Variants in NRG3 observed in about 807,000 individuals in gnomAD.
NRG3 encodes pro-neuregulin-3, membrane-bound isoform.
A neutral mutation model predicts 66.9 loss-of-function variants in NRG3; 31 were observed. That is an observed-to-expected ratio of 0.46 (90% confidence interval 0.35 to 0.63). The LOEUF is 0.63. Ranked by LOEUF, NRG3 falls within the 20% of genes least tolerant of loss-of-function variation. The pLI is 0.00. For synonymous variants in NRG3, 393 were observed against 359.4 expected, an observed-to-expected ratio of 1.09 and a Z score of -1.06; for missense variants, 910 against 878.9, an observed-to-expected ratio of 1.04 and a Z score of -0.45.
chr10:82,192,944 T>C (rs1175602820), intron 1 of NRG3, among the ~76,000 whole-genome samples: 2 of 149,988 alleles, frequency 1.3e-5, no homozygotes, highest in African/African-American at 2.5e-5. Context: ...GGTAGGTTGT[T>C]CAAGTGGGGG....
chr10:82,366,683 TA>T (rs1296494209), intron 2 of NRG3, among the ~76,000 whole-genome samples: 3 of 152,198 alleles, frequency 2.0e-5, no homozygotes, highest in East Asian at 1.9e-4. Flanking sequence ...TTTATTTTTT[TA>T]TTTTTTTTGC....
chr10:82,736,518 G>A (rs942496393), intron 2 of NRG3, among the ~76,000 whole-genome samples: 10 of 152,202 alleles, frequency 6.6e-5, no homozygotes, highest in Non-Finnish European at 7.3e-5. Context: ...TCCTAGCCTG[G>A]GCTAGGCTGC....
intron 1 of NRG3, among the ~76,000 whole-genome samples, chr10:81,882,014 C>A (rs1842225938): frequency 6.6e-6 from 1 of 152,144 alleles, no homozygotes. Flanking sequence ...TCAAAGCATT[C>A]AACTACATTT....
intron 1 of NRG3, among the ~76,000 whole-genome samples, chr10:82,193,482 A>G (rs1674115738): frequency 6.7e-6 from 1 of 150,300 alleles, no homozygotes; most frequent in African/African-American, 2.5e-5. Flanking sequence ...TGACTGTTGT[A>G]TAAAAACTGA....
At chr10:82,124,641 G>T (rs1426419241) in intron 1 of NRG3, among the ~76,000 whole-genome samples, 1 of 151,410 alleles carries the variant, frequency 6.6e-6, no homozygotes, top group Non-Finnish European at 1.5e-5. Flanking sequence ...TAGATGATGG[G>T]TTGATGTGTG....
At chr10:81,942,443 A>G (rs1319143842) in intron 1 of NRG3, among the ~76,000 whole-genome samples, 1 of 152,190 alleles carries the variant, frequency 6.6e-6, no homozygotes, top group East Asian at 1.9e-4. Flanking sequence ...TGTTTCCAAA[A>G]TAATACACCC....
intron 2 of NRG3, among the ~76,000 whole-genome samples, chr10:82,517,762 A>T (rs928445036): frequency 6.6e-6 from 1 of 151,898 alleles, no homozygotes; most frequent in African/African-American, 2.4e-5. Context: ...CTACACTGAG[A>T]TGTAGAGGTA....
intron 8 of NRG3, 141 bp downstream of exon 8, chr10:82,979,261 C>T (rs1186411296): frequency 2.3e-6 from 2 of 875,260 alleles, no homozygotes; most frequent in South Asian, 1.8e-5. Context: ...CTTTGTTCTA[C>T]AAAAGGTGAA....
chr10:82,495,811 GAC>G (rs55671097), intron 2 of NRG3, among the ~76,000 whole-genome samples: 181 of 144,888 alleles, frequency 1.2e-3, no homozygotes, highest in Middle Eastern at 0.01. Flanking sequence ...TTAGAGTGCA[GAC>G]ACACACACAC....
At chr10:82,936,264 C>A (rs1848056814) in intron 4 of NRG3, among the ~76,000 whole-genome samples, 1 of 152,144 alleles carries the variant, frequency 6.6e-6, no homozygotes, top group Non-Finnish European at 1.5e-5. Flanking sequence ...AGATGTGGTT[C>A]AGCAAGACCA....
At chr10:82,597,177 CAT>C (rs1488216587) in intron 2 of NRG3, among the ~76,000 whole-genome samples, 1 of 152,116 alleles carries the variant, frequency 6.6e-6, no homozygotes, top group African/African-American at 2.4e-5. Context: ...GAAATGTATA[CAT>C]GTGTGTATGT....
At chr10:82,374,278 T>C (rs1018199767) in intron 2 of NRG3, among the ~76,000 whole-genome samples, 8 of 152,208 alleles carry the variant, frequency 5.3e-5, no homozygotes, top group African/African-American at 1.9e-4. Context: ...CCACATTTGA[T>C]ACATGACAAG....
At chr10:82,309,492 CT>C in intron 1 of NRG3, among the ~76,000 whole-genome samples, 2 of 151,982 alleles carry the variant, frequency 1.3e-5, no homozygotes, top group Middle Eastern at 3.4e-3. Context: ...GGTTTACAGT[CT>C]CTTAAGAAGC....
chr10:81,979,483 C>G (rs1044700895), intron 1 of NRG3, among the ~76,000 whole-genome samples: 2 of 152,176 alleles, frequency 1.3e-5, no homozygotes, highest in Non-Finnish European at 1.5e-5. Flanking sequence ...ATCTTGGTAA[C>G]AGCCCTCTGT....
At chr10:82,892,679 A>AT (rs932965678) in intron 4 of NRG3, among the ~76,000 whole-genome samples, 13 of 140,562 alleles carry the variant, frequency 9.2e-5, no homozygotes, top group African/African-American at 3.3e-4. Context: ...AAATAAATAA[A>AT]TAAATAAATA....
chr10:82,913,082 C>T lies in NRG3; in HGVS notation c.1055-38387C>T, dbSNP rs549682995. ...CTACTAAAAATACAAAATAATTAGC[C>T]GGGCGTGGTGCAGGCACCTGTAGTC... On this transcript the variant is annotated intron_variant, in intron 4 of 8. Transcript: ENST00000372141. Among the ~76,000 whole-genome samples the T allele has an allele frequency of 3.5e-4, 53 of 152,160 alleles. 1 individual carries two copies. The highest frequency in any genetic ancestry group is 1.1e-3 in the African/African-American group (46 of 41,518).
At chr10:82,011,332 A>G (rs2061565717) in intron 1 of NRG3, among the ~76,000 whole-genome samples, 2 of 152,146 alleles carry the variant, frequency 1.3e-5, no homozygotes, top group South Asian at 2.1e-4. Context: ...ACACCCACGC[A>G]GCGATTAAGT....
chr10:81,991,176 T>G (rs1367974379), intron 1 of NRG3, among the ~76,000 whole-genome samples: 1 of 152,176 alleles, frequency 6.6e-6, no homozygotes, highest in Non-Finnish European at 1.5e-5. Flanking sequence ...ATTTCAGTGT[T>G]AATTATTGTC....
Position 81,982,284 on chromosome 10 carries a change from T to A in NRG3, c.823+106121T>A, listed in dbSNP as rs117267312. ...ATGGTAAGTGTTGTCTTTCCTCTAG[T>A]GTCAAAAAATATATTTCTAATTTTC... On this transcript the variant is annotated intron_variant, in intron 1 of 8. Transcript: ENST00000372141. 3.6e-3 allele frequency among the ~76,000 whole-genome samples: 552 copies of A among 152,294 alleles called. 1 individual carries two copies. The highest frequency in any genetic ancestry group is 6.7e-3 in the Non-Finnish European group (456 of 68,022).
Sources: gnomAD v4.1 joint callset for allele counts (sites outside exome capture counted in the v4.1 genomes callset) on GRCh38, gnomAD v4.1.1 for gene constraint, MANE v1.5 for transcripts, NCBI Gene and HGNC (gene_info 2026-07-23, HGNC 2026-07-21) for gene names.